The following PPRC1 variants were observed in gnomAD, a reference collection of about 807,000 sequenced individuals.
PPRC1 encodes peroxisome proliferator-activated receptor gamma coactivator-related protein 1.
A neutral mutation model predicts 132.5 loss-of-function variants in PPRC1; 23 were observed. The ratio of observed to expected loss-of-function variants is 0.17; its 90% CI spans 0.12 to 0.25. PPRC1 has a LOEUF of 0.25. PPRC1 is among the 10% of genes least tolerant of loss of function. PPRC1 has a pLI of 1.00. For synonymous variants in PPRC1, 872 were observed against 833.5 expected (o/e 1.05, Z -0.80); for missense variants, 2,006 against 2,089.1 (o/e 0.96, Z 0.78).
At chr10:102,121,570 A>T in the PPRC1 span, among the ~76,000 whole-genome samples, 1 of 152,168 alleles carries the variant, frequency 6.6e-6, no homozygotes, top group African/African-American at 2.4e-5. Context: ...CCAAAAGCTC[A>T]GCTTTAGCTG....
At chr10:102,149,729 CAAAAAA>C (rs34550400) in intron 13 of PPRC1, among the ~76,000 whole-genome samples, 191 bp from the exon 14 acceptor site, 1 of 110,652 alleles carries the variant, frequency 9.0e-6, no homozygotes, top group Non-Finnish European at 2.0e-5. Context: ...GAGACTGTCT[CAAAAAA>C]AAAAAAAAAA....
upstream of PPRC1, among the ~76,000 whole-genome samples, chr10:102,131,300 T>C (rs1394975224): frequency 1.3e-5 from 2 of 151,510 alleles, no homozygotes; most frequent in African/African-American, 4.9e-5. Flanking sequence ...GAGATCACAG[T>C]GAGCTATGCT....
upstream of PPRC1, among the ~76,000 whole-genome samples, chr10:102,131,293 A>T (rs976649678): frequency 1.2e-4 from 18 of 151,808 alleles, no homozygotes; most frequent in African/African-American, 4.4e-4. Context: ...AGCTTGAGAG[A>T]TCACAGTGAG....
Position 102,142,575 on chromosome 10 carries a change from C to T in PPRC1, c.3497-470C>T, listed in dbSNP as rs574294648. Among the ~76,000 whole-genome samples the T allele has an allele frequency of 6.0e-5, 9 of 150,588 alleles. No homozygotes were observed. The South Asian group carries it at 1.1e-3, about 18-fold the overall frequency. ...CTGGGATTACAGGCACTCACACCCA[C>T]GCCCGGCTTTTTGTATTTTTAGCAG... On this transcript the variant is annotated intron_variant, in intron 5 of 13. Transcript: ENST00000278070.
At chr10:102,120,746 G>T in the PPRC1 span, among the ~76,000 whole-genome samples, 1 of 152,206 alleles carries the variant, frequency 6.6e-6, no homozygotes, top group Non-Finnish European at 1.5e-5. Context: ...CCGCGCGCTC[G>T]GTGTCCGTCC....
intron 7 of PPRC1, chr10:102,144,718 A>G (rs1432250826): frequency 6.2e-6 from 3 of 485,944 alleles, no homozygotes; most frequent in Non-Finnish European, 1.1e-5. Flanking sequence ...TCTGCCAAGC[A>G]TGTTCCCCTC....
At chr10:102,144,396 G>T (rs2069128746) in intron 7 of PPRC1, 89 bp downstream of exon 7, 2 of 1,277,422 alleles carry the variant, frequency 1.6e-6, no homozygotes, top group South Asian at 1.2e-5. Flanking sequence ...TGCCTCTGTT[G>T]CAGGGACGCT....
the PPRC1 span, among the ~76,000 whole-genome samples, chr10:102,122,092 A>T: frequency 2.6e-5 from 4 of 151,142 alleles, no homozygotes; most frequent in South Asian, 8.4e-4. Context: ...AGGTTTCCCC[A>T]TCTCCACCCC....
In PPRC1 at chr10:102,146,846, G is replaced by A; in HGVS notation, c.3854G>A (p.Gly1285Asp). ...AAVRLQEGVH[G>D]PSRVHVGSGD... is the part of the protein sequence containing the mutation. Reference sequence around the variant, plus strand: ...GTTCGCCTCCAAGAAGGGGTCCATGGCCCTAGTCGAGTCCATGTGGGCTCT... The same window carrying A: ...GTTCGCCTCCAAGAAGGGGTCCATGACCCTAGTCGAGTCCATGTGGGCTCT... The change falls in exon 9 of 14, where the codon GGC becomes GAC. Residue 1285 changes from glycine (G) to aspartate (D), a missense_variant. Coordinates refer to ENST00000278070, the MANE Select transcript of PPRC1 (RefSeq NM_015062.5). 6.2e-7 allele frequency: 1 copy of A among 1,614,086 alleles called. No individual in the cohort carries two copies. Among genetic ancestry groups the A allele is most frequent in the South Asian group, 1.1e-5 (1 of 91,082 alleles).
chr10:102,132,580 T>G (rs779805616), upstream of PPRC1, among the ~76,000 whole-genome samples: 4 of 152,244 alleles, frequency 2.6e-5, no homozygotes, highest in African/African-American at 4.8e-5. Context: ...TTTGCAGTAC[T>G]GCCGCAATAT....
chr10:102,132,362 A>T (rs2068558724), upstream of PPRC1, among the ~76,000 whole-genome samples: 1 of 152,252 alleles, frequency 6.6e-6, no homozygotes, highest in Admixed American at 6.5e-5. Context: ...CTTGGCTAGG[A>T]CAACCAAAGC....
chr10:102,139,897 G>A lies in PPRC1; in HGVS notation c.1389G>A (p.Lys463=), dbSNP rs148379078. The change falls in exon 5 of 14, where the codon AAG becomes AAA. Residue 463 remains lysine (K), a synonymous_variant. Transcript: ENST00000278070. ...SQRARKGRKK[K]SKEQPAACVE... ...GAGCTCGAAAGGGCAGGAAGAAGAA[G>A]AGCAAGGAGCAGCCAGCAGCCTGTG... 5.0e-6 allele frequency: 8 copies of A among 1,614,136 alleles called. No homozygotes were observed. In the African/African-American group the frequency reaches 6.7e-5, roughly 13 times the overall value.
rs551218982 is a variant in PPRC1, at chr10:102,144,700, C to T, written c.3609-320C>T. The stretch of plus-strand genomic sequence containing the variant: ...GTCATTTTTCATGTTCATGATCCTC[C>T]ATCCTGTTCTGCCAAGCATGTTCCC... On this transcript the variant is annotated intron_variant, in intron 7 of 13. Coordinates refer to ENST00000278070, the MANE Select transcript of PPRC1 (RefSeq NM_015062.5). The T allele has an allele frequency of 1.2e-4, 56 of 473,970 alleles. No individual in the cohort carries two copies. In the East Asian group the frequency reaches 2.1e-3, roughly 18 times the overall value. The allele number at this position is 473,970 out of a possible 1,614,324, so 29.4% of individuals were successfully genotyped here.
In PPRC1 at chr10:102,144,955, A is replaced by T. The variant is rs2069155041; in HGVS notation, c.3609-65A>T. 8 of 1,311,750 alleles carry T rather than the reference A, an allele frequency of 6.1e-6. No homozygotes were observed. In the South Asian group the frequency reaches 6.4e-5, roughly 11 times the overall value. The allele number at this position is 1,311,750 out of a possible 1,614,324, so 81.3% of individuals were successfully genotyped here. On this transcript the variant is annotated intron_variant, in intron 7 of 13. Transcript: ENST00000278070. ...CCACCCCCTCCCATTGATTTCTGAG[A>T]AAGGCAAATGTATAAGATATTGAGA...
At chr10:102,135,477 C>T (rs1439651337) in intron 1 of PPRC1, among the ~76,000 whole-genome samples, 3 of 152,204 alleles carry the variant, frequency 2.0e-5, no homozygotes, top group African/African-American at 7.2e-5. Flanking sequence ...CTCCTGGGTT[C>T]ATGCAATTCC....
rs779574526 is a variant in PPRC1, at chr10:102,141,258, A to G, written c.2750A>G (p.Tyr917Cys). ...GPVLPDPFTH[Y>C]APLPSWPCYP... is the part of the protein sequence containing the mutation. The stretch of plus-strand genomic sequence containing the variant: ...GTACTACCTGATCCGTTTACTCACT[A>G]TGCCCCCTTGCCATCCTGGCCTTGT... The change falls in exon 5 of 14, where the codon TAT (tyrosine) becomes TGT (cysteine). Residue 917 changes from tyrosine to cysteine, a missense_variant. Coordinates refer to ENST00000278070, the MANE Select transcript of PPRC1 (RefSeq NM_015062.5). The G allele has an allele frequency of 1.9e-6, 3 of 1,613,068 alleles. No homozygotes were observed. The highest frequency in any genetic ancestry group is 2.2e-5 in the South Asian group (2 of 91,032).
Position 102,141,523 on chromosome 10 carries a change from C to G in PPRC1, c.3015C>G (p.Ala1005=). 1 of 1,614,088 alleles carries G rather than the reference C, an allele frequency of 6.2e-7. No individual in the cohort carries two copies. Among genetic ancestry groups the G allele is most frequent in the Non-Finnish European group, 8.5e-7 (1 of 1,180,016 alleles). The stretch of plus-strand genomic sequence containing the variant: ...TTCCCCCACCTCCTTTGCCTCCAGC[C>G]TCCATTGGGAGAGCTGTTCCCCAAC... ...STVPPPPLPP[A]SIGRAVPQPK... Residue 1005 remains alanine (A), a synonymous_variant, in exon 5 of 14, where the codon GCC becomes GCG. Coordinates refer to ENST00000278070, the MANE Select transcript of PPRC1 (RefSeq NM_015062.5).
intron 12 of PPRC1, 61 bp from the exon 13 acceptor site, chr10:102,149,117 C>T: frequency 1.3e-6 from 2 of 1,530,602 alleles, no homozygotes; most frequent in East Asian, 4.5e-5. Context: ...GATGCTGTGT[C>T]TCCTCTATGG....
upstream of PPRC1, among the ~76,000 whole-genome samples, chr10:102,129,525 T>C (rs1202146157): frequency 6.6e-6 from 1 of 152,204 alleles, no homozygotes; most frequent in East Asian, 1.9e-4. Context: ...TGGCAAAACG[T>C]TCCGCTTTCT....
Sources: gnomAD v4.1 joint callset for allele counts (sites outside exome capture counted in the v4.1 genomes callset) on GRCh38, gnomAD v4.1.1 for gene constraint, MANE v1.5 for transcripts, NCBI Gene and HGNC (gene_info 2026-07-23, HGNC 2026-07-21) for gene names.